The following YAF2 variants were observed in gnomAD, a reference collection of about 807,000 sequenced individuals.
YAF2 encodes YY1-associated factor 2.
A neutral mutation model predicts 20.1 loss-of-function variants in YAF2; 7 were observed. The ratio of observed to expected loss-of-function variants is 0.35; its 90% CI spans 0.20 to 0.65. YAF2 has a LOEUF of 0.65. Ranked by LOEUF, YAF2 falls within the 30% of genes least tolerant of loss-of-function variation. The pLI is 0.69. For synonymous variants in YAF2, 74 were observed against 76.0 expected, an observed-to-expected ratio of 0.97 and a Z score of 0.14; for missense variants, 151 against 219.2, an observed-to-expected ratio of 0.69 and a Z score of 1.96.
At chr12:42,203,357 C>G (rs2137174055) in intron 2 of YAF2, among the ~76,000 whole-genome samples, 1 of 152,238 alleles carries the variant, frequency 6.6e-6, no homozygotes, top group South Asian at 2.1e-4. Context: ...ACAGTACTTT[C>G]ATTTCTTTTA....
chr12:42,231,481 T>C (rs2067983104), intron 2 of YAF2: 1 of 152,196 alleles, frequency 6.6e-6, no homozygotes, highest in Non-Finnish European at 1.5e-5. Context: ...ACTATAGGTG[T>C]TATTCTTTGA....
chr12:42,161,869 T>C, intron 2 of YAF2, 104 bp from the exon 3 acceptor site: 1 of 1,067,328 alleles, frequency 9.4e-7, no homozygotes, highest in Non-Finnish European at 1.3e-6. Context: ...TAACAATAAC[T>C]TTCAAGTATA....
chr12:42,210,285 A>C, intron 2 of YAF2: 2 of 950,894 alleles, frequency 2.1e-6, no homozygotes. Context: ...TCAATTAAAC[A>C]AACTCCTTCT....
intron 2 of YAF2, chr12:42,236,017 C>T (rs2068141717): frequency 1.3e-6 from 2 of 1,535,518 alleles, no homozygotes; most frequent in Non-Finnish European, 1.7e-6. Context: ...AACATATAGG[C>T]TCTTCTAGTT....
intron 2 of YAF2, among the ~76,000 whole-genome samples, chr12:42,186,694 AAG>A (rs2066484405): frequency 6.6e-6 from 1 of 152,176 alleles, no homozygotes; most frequent in African/African-American, 2.4e-5. Context: ...GAAAAAAAGA[AAG>A]AAAAAAAGAA....
At chr12:42,219,734 AT>A (rs2067460078) in intron 2 of YAF2, among the ~76,000 whole-genome samples, 2 of 152,210 alleles carry the variant, frequency 1.3e-5, no homozygotes, top group Non-Finnish European at 2.9e-5. Context: ...TCCAGAAAAA[AT>A]ACAGCAGTGT....
chr12:42,165,773 GTTTT>G (rs71084620), intron 2 of YAF2, among the ~76,000 whole-genome samples: 22,060 of 115,744 alleles, frequency 0.19, 2,015 homozygotes, highest in East Asian at 0.28. Context: ...GCCCGGCCAG[GTTTT>G]TTTTTTTTTT....
rs564792413 is a variant in YAF2 at position 42,183,974 on chromosome 12, A to T, written c.153-22209T>A. 1.1e-4 allele frequency among the ~76,000 whole-genome samples: 17 copies of T among 152,342 alleles called. No individual in the cohort carries two copies. In the South Asian group the frequency reaches 3.3e-3, roughly 30 times the overall value. On this transcript the variant is annotated intron_variant, in intron 2 of 3. Coordinates refer to ENST00000534854, the MANE Select transcript of YAF2 (RefSeq NM_005748.6). ...CAAAATTCCTAGACCCTTTGAAATT[A>T]TGCTAAATATACTCTGCCTGTGCTC...
At chr12:42,215,758 C>T (rs2067335843) in intron 2 of YAF2, among the ~76,000 whole-genome samples, 1 of 151,868 alleles carries the variant, frequency 6.6e-6, no homozygotes, top group Non-Finnish European at 1.5e-5. Flanking sequence ...CCTGTCTCTA[C>T]TAAAAACACC....
chr12:42,164,704 A>G (rs1189620849), intron 2 of YAF2, among the ~76,000 whole-genome samples: 1 of 152,118 alleles, frequency 6.6e-6, no homozygotes, highest in Non-Finnish European at 1.5e-5. Context: ...AAATCCATAC[A>G]TATTGTGAAT....
intron 2 of YAF2, among the ~76,000 whole-genome samples, chr12:42,179,240 T>A (rs2066276646): frequency 6.6e-6 from 1 of 152,206 alleles, no homozygotes; most frequent in African/African-American, 2.4e-5. Context: ...GAGGCCACAG[T>A]GGCTGTATCA....
At chr12:42,199,302 T>A in intron 2 of YAF2, 1 of 858,790 alleles carries the variant, frequency 1.2e-6, no homozygotes, top group Non-Finnish European at 1.6e-6. Flanking sequence ...TGACCAATAG[T>A]TTAAATCCAT....
At chr12:42,228,689 C>T (rs1592059591) in intron 2 of YAF2, among the ~76,000 whole-genome samples, 3 of 104,780 alleles carry the variant, frequency 2.9e-5, no homozygotes, top group South Asian at 7.7e-4. Flanking sequence ...CCCGGCCAGC[C>T]GCCCCGTCCG....
chr12:42,180,236 C>G (rs2066309019), intron 2 of YAF2, among the ~76,000 whole-genome samples: 1 of 152,170 alleles, frequency 6.6e-6, no homozygotes, highest in African/African-American at 2.4e-5. Context: ...GATGTCATTT[C>G]CAAAATTAGC....
rs573421495 is a variant in YAF2 at position 42,189,059 on chromosome 12, T to C, written c.153-27294A>G. Among the ~76,000 whole-genome samples, 12 of 152,280 alleles carry C rather than the reference T, an allele frequency of 7.9e-5. No homozygotes were observed. The South Asian group carries it at 2.3e-3, about 29-fold the overall frequency. ...CAGGAAAGCCTTCCTGTAGAGATGATTTTTAAACTGAGCTTAGAGTGTGTG... is the reference window on the plus strand; with the variant it reads ...CAGGAAAGCCTTCCTGTAGAGATGACTTTTAAACTGAGCTTAGAGTGTGTG... On this transcript the variant is annotated intron_variant, in intron 2 of 3. Coordinates refer to ENST00000534854, the MANE Select transcript of YAF2 (RefSeq NM_005748.6).
chr12:42,237,007 G>A (rs1327853415), intron 2 of YAF2, among the ~76,000 whole-genome samples: 1 of 152,142 alleles, frequency 6.6e-6, no homozygotes, highest in Non-Finnish European at 1.5e-5. Flanking sequence ...TCAAACTAAA[G>A]ATATAAAGGT....
At chr12:42,234,854 G>T in intron 2 of YAF2, 1 of 678,988 alleles carries the variant, frequency 1.5e-6, no homozygotes, top group Non-Finnish European at 1.8e-6. Context: ...CACACATGGT[G>T]GTGTGCATCT....
intron 2 of YAF2, among the ~76,000 whole-genome samples, chr12:42,163,773 G>A (rs1359144153): frequency 6.6e-6 from 1 of 152,162 alleles, no homozygotes; most frequent in Non-Finnish European, 1.5e-5. Context: ...CTCTCTAGGA[G>A]CTAAAGAGCT....
intron 2 of YAF2, among the ~76,000 whole-genome samples, chr12:42,169,006 G>GA (rs1409880958): frequency 6.6e-6 from 1 of 151,988 alleles, no homozygotes; most frequent in Non-Finnish European, 1.5e-5. Context: ...CATCTAGAAG[G>GA]AAAAAACTCC....
Sources: gnomAD v4.1 joint callset for allele counts (sites outside exome capture counted in the v4.1 genomes callset) on GRCh38, gnomAD v4.1.1 for gene constraint, MANE v1.5 for transcripts, NCBI Gene and HGNC (gene_info 2026-07-23, HGNC 2026-07-21) for gene names.